Variants in PCDHGB5 observed in about 807,000 individuals in gnomAD.
PCDHGB5 encodes protocadherin gamma subfamily B, 5.
In PCDHGB5, 48 loss-of-function variants were observed where a neutral mutation model predicts 62.9. That is an observed-to-expected ratio of 0.76 (90% CI 0.61 to 0.97). The LOEUF is 0.97. Ranked by LOEUF, PCDHGB5 falls within the 50% of genes least tolerant of loss-of-function variation. PCDHGB5 has a pLI of 0.00. For synonymous variants in PCDHGB5, 474 were observed against 511.2 expected (o/e 0.93, Z 0.98); for missense variants, 1,118 against 1,198.6 (o/e 0.93, Z 0.99).
chr5:141,468,598 G>A (rs1250884127), intron 1 of PCDHGB5: 1 of 152,228 alleles, frequency 6.6e-6, no homozygotes, highest in African/African-American at 2.4e-5. Context: ...TGGGCGCGGT[G>A]GCTCACGCCT....
In PCDHGB5 at chr5:141,510,272, T is replaced by TAAA. The variant is rs546154379; in HGVS notation, c.2546-658_2546-656dup. 1.5e-3 allele frequency among the ~76,000 whole-genome samples: 198 copies of TAAA among 130,372 alleles called. 1 individual carries two copies. Among genetic ancestry groups the TAAA allele is most frequent in the Non-Finnish European group, 2.8e-3 (172 of 61,058 alleles). The allele number at this position is 130,372 out of a possible 152,430, so 85.5% of individuals were successfully genotyped here. ...TGGGCGACAGAGCAGGACTCCATCTTAAAAAAAAAAAAAAAAAAATGCTGT... is the reference window on the plus strand; with the variant it reads ...TGGGCGACAGAGCAGGACTCCATCTTAAAAAAAAAAAAAAAAAAAAAATGCTGT... On this transcript the variant is annotated intron_variant, in intron 3 of 3. Coordinates refer to ENST00000617380, the MANE Select transcript of PCDHGB5 (RefSeq NM_018925.3).
At chr5:141,443,977 AT>A (rs1443967001) in intron 1 of PCDHGB5, among the ~76,000 whole-genome samples, 1 of 152,020 alleles carries the variant, frequency 6.6e-6, no homozygotes, top group African/African-American at 2.4e-5. Context: ...CATCTAAGCT[AT>A]GTTAATTTTA....
intron 1 of PCDHGB5, among the ~76,000 whole-genome samples, chr5:141,459,838 A>C (rs944807247): frequency 1.3e-5 from 2 of 152,098 alleles, no homozygotes; most frequent in African/African-American, 4.8e-5. Context: ...TGTGTTGTCT[A>C]TTTGTATATC....
intron 1 of PCDHGB5, chr5:141,423,386 G>T: frequency 6.2e-7 from 1 of 1,614,160 alleles, no homozygotes; most frequent in Middle Eastern, 1.7e-4. Flanking sequence ...CTGTGGCGCT[G>T]GCATAAGTCA....
intron 1 of PCDHGB5, among the ~76,000 whole-genome samples, chr5:141,474,703 C>G (rs2099353282): frequency 6.6e-6 from 1 of 152,188 alleles, no homozygotes; most frequent in Admixed American, 6.5e-5. Flanking sequence ...GTTCAAGGTT[C>G]TATTATACTT....
chr5:141,405,856 C>T (rs1340012897), intron 1 of PCDHGB5, among the ~76,000 whole-genome samples: 1 of 152,096 alleles, frequency 6.6e-6, no homozygotes, highest in Non-Finnish European at 1.5e-5. Flanking sequence ...GTGTGTTTCT[C>T]ATCACTTTTC....
chr5:141,499,563 A>C (rs979866448), intron 2 of PCDHGB5, among the ~76,000 whole-genome samples: 3 of 152,242 alleles, frequency 2.0e-5, no homozygotes, highest in Non-Finnish European at 2.9e-5. Context: ...ACCACTATCC[A>C]GCTTCAACTA....
intron 1 of PCDHGB5, chr5:141,415,740 G>GTTTTTTGTTT (rs2095911797): frequency 3.9e-6 from 2 of 515,998 alleles, no homozygotes; most frequent in African/African-American, 2.8e-5. Context: ...GTTTATTAAG[G>GTTTTTTGTTT]TTTTTTTTTT....
At chr5:141,413,202 G>T (rs768256888) in intron 1 of PCDHGB5, 19 of 1,612,062 alleles carry the variant, frequency 1.2e-5, no homozygotes, top group Non-Finnish European at 1.6e-5. Flanking sequence ...ATCGCTCAAA[G>T]GAATCAAAGG....
chr5:141,417,936 A>G (rs1266177574), intron 1 of PCDHGB5: 3 of 1,612,080 alleles, frequency 1.9e-6, no homozygotes, highest in Non-Finnish European at 1.7e-6. Flanking sequence ...CCTTTGTTCT[A>G]CCCCACGCTG....
At chr5:141,479,862 C>T (rs2099508997) in intron 1 of PCDHGB5, among the ~76,000 whole-genome samples, 1 of 152,170 alleles carries the variant, frequency 6.6e-6, no homozygotes, top group Non-Finnish European at 1.5e-5. Flanking sequence ...GGCCTTTGCC[C>T]TGGAGAGAAC....
chr5:141,432,014 A>G lies in PCDHGB5; in HGVS notation c.2397+31490A>G, dbSNP rs778393699. The G allele has an allele frequency of 1.5e-5, 25 of 1,614,078 alleles. No individual in the cohort carries two copies. The highest frequency in any genetic ancestry group is 2.0e-5 in the Non-Finnish European group (24 of 1,180,036). ...GGATAGGGAACAGGTTCCTAGCTAC[A>G]ACATCACAGTGACCGCCACTGACCG... On this transcript the variant is annotated intron_variant, in intron 1 of 3. Coordinates refer to ENST00000617380, the MANE Select transcript of PCDHGB5 (RefSeq NM_018925.3). This position sits in a 1 kb window ranked among gnomAD's most constrained non-coding sequence, Gnocchi z 6.0.
At position 141,403,235 on chromosome 5, in the gene PCDHGB5, C is replaced by T. The variant is rs757212212; in HGVS notation, c.2397+2711C>T. The T allele has an allele frequency of 2.9e-5, 47 of 1,613,842 alleles. No individual in the cohort carries two copies. In the Admixed American group the frequency reaches 7.7e-4, roughly 26 times the overall value. ...CGCGGGTAGGATAGACCGGGAGGAGCTCTGTGCTCAGAGCCCGCGGTGTCT... is the reference window on the plus strand; with the variant it reads ...CGCGGGTAGGATAGACCGGGAGGAGTTCTGTGCTCAGAGCCCGCGGTGTCT... On this transcript the variant is annotated intron_variant, in intron 1 of 3. Transcript: ENST00000617380.
chr5:141,488,113 T>C (rs1053996929), intron 1 of PCDHGB5, among the ~76,000 whole-genome samples: 1 of 152,084 alleles, frequency 6.6e-6, no homozygotes, highest in African/African-American at 2.4e-5. Flanking sequence ...ATTTGAAACA[T>C]AGAGACAGCA....
rs759819103 is a variant in PCDHGB5, at chr5:141,398,546, T to A, written c.419T>A (p.Leu140Gln). Residue 140 changes from leucine (L) to glutamine (Q), a missense_variant, in exon 1 of 4, where the codon CTG becomes CAG. By Grantham distance (113) the Leu-to-Gln change is moderately radical (BLOSUM62 -2). Transcript: ENST00000617380. ...AAATTCACGCAAAATTCCTTTGAGC[T>A]GCAAATAAGTGAGTCTGCACAGCCT... ...TPKFTQNSFE[L>Q]QISESAQPGT... 3.1e-6 allele frequency: 5 copies of A among 1,613,902 alleles called. No homozygotes were observed. The East Asian group carries it at 1.1e-4, about 36-fold the overall frequency.
chr5:141,457,441 G>A (rs941085406), intron 1 of PCDHGB5, among the ~76,000 whole-genome samples: 1 of 152,134 alleles, frequency 6.6e-6, no homozygotes, highest in African/African-American at 2.4e-5. Flanking sequence ...CCAAGCTGCA[G>A]AAGATCACCA....
chr5:141,480,402 G>A (rs1268532373), intron 1 of PCDHGB5, among the ~76,000 whole-genome samples: 2 of 145,838 alleles, frequency 1.4e-5, no homozygotes, highest in African/African-American at 2.6e-5. Flanking sequence ...GCAATAGAGT[G>A]AGACCCTGTC....
At chr5:141,502,951 C>G (rs1444086718) in intron 2 of PCDHGB5, among the ~76,000 whole-genome samples, 1 of 147,768 alleles carries the variant, frequency 6.8e-6, no homozygotes, top group African/African-American at 2.6e-5. Context: ...TCAAGCGATT[C>G]TCCTGCCTCA....
Position 141,432,473 on chromosome 5 carries a change from T to G in PCDHGB5, c.2397+31949T>G. On this transcript the variant is annotated intron_variant, in intron 1 of 3. Coordinates refer to ENST00000617380, the MANE Select transcript of PCDHGB5 (RefSeq NM_018925.3). The surrounding 1 kb of genome is among the most constrained non-coding windows in gnomAD (Gnocchi z 6.0). ...GTACCCCGCCCTCCCCACGGACGGT[T>G]CCACTGGCGTGGAGCTGGCTCCCCG... 1 of 1,614,180 alleles carries G rather than the reference T, an allele frequency of 6.2e-7. No individual in the cohort carries two copies. The highest frequency in any genetic ancestry group is 1.1e-5 in the South Asian group (1 of 91,078).
Sources: allele counts gnomAD v4.1 joint callset (sites outside exome capture counted in the v4.1 genomes callset), GRCh38; gene constraint gnomAD v4.1.1; non-coding constraint Gnocchi (gnomAD v3.1); transcripts MANE v1.5; gene names NCBI Gene and HGNC (gene_info 2026-07-23, HGNC 2026-07-21).